SLC39A11: variants seen among roughly 807,000 people sequenced by gnomAD.
The protein encoded by SLC39A11 is solute carrier family 39 member 11.
Under a neutral mutation model 36.1 loss-of-function variants are expected in SLC39A11, and 33 were observed. The ratio of observed to expected loss-of-function variants is 0.91; its 90% confidence interval spans 0.69 to 1.22. The LOEUF (loss-of-function observed/expected upper bound fraction) is 1.22, where lower values mean the gene tolerates loss of function less well. Among genes scored for constraint, SLC39A11 ranks in the 50% most tolerant of loss-of-function variants. SLC39A11 has a pLI of 0.00. For synonymous variants in SLC39A11, 166 were observed against 170.3 expected (o/e 0.97, Z 0.20); for missense variants, 432 against 430.3 (o/e 1.00, Z -0.03).
intron 5 of SLC39A11, among the ~76,000 whole-genome samples, chr17:72,860,418 T>A (rs1399200511): frequency 6.6e-6 from 1 of 152,200 alleles, no homozygotes; most frequent in Non-Finnish European, 1.5e-5. Context: ...AATATACACA[T>A]GTATGTGCCC....
chr17:73,036,845 C>T (rs1017212559), intron 3 of SLC39A11, among the ~76,000 whole-genome samples: 1 of 152,166 alleles, frequency 6.6e-6, no homozygotes, highest in East Asian at 1.9e-4. Context: ...GTATCATATA[C>T]TTTCACTGCC....
At chr17:72,802,917 A>C (rs1383273910) in intron 6 of SLC39A11, among the ~76,000 whole-genome samples, 1 of 152,190 alleles carries the variant, frequency 6.6e-6, no homozygotes, top group Non-Finnish European at 1.5e-5. Flanking sequence ...TTCAGGCTGG[A>C]AACGTCCATG....
intron 6 of SLC39A11, among the ~76,000 whole-genome samples, chr17:72,762,030 C>T (rs1195668042): frequency 5.9e-5 from 9 of 152,120 alleles, no homozygotes; most frequent in Non-Finnish European, 1.2e-4. Flanking sequence ...AATGAGTTGG[C>T]GAAGCCTGAC....
intron 5 of SLC39A11, among the ~76,000 whole-genome samples, chr17:72,897,427 T>C (rs1207725671): frequency 6.6e-6 from 1 of 152,236 alleles, no homozygotes; most frequent in African/African-American, 2.4e-5. Flanking sequence ...CTGTACTGGA[T>C]GGTACAAACA....
intron 7 of SLC39A11, among the ~76,000 whole-genome samples, chr17:72,734,801 C>T (rs868191197): frequency 1.8e-4 from 27 of 152,266 alleles, no homozygotes; most frequent in African/African-American, 6.5e-4. Context: ...ACCTCTGCAG[C>T]GTGTGCGGTT....
chr17:73,036,313 C>G (rs1030150639), intron 3 of SLC39A11, among the ~76,000 whole-genome samples: 1 of 152,160 alleles, frequency 6.6e-6, no homozygotes, highest in African/African-American at 2.4e-5. Context: ...ATAGGCCTAC[C>G]TGTCCCCACA....
At chr17:72,907,405 A>C (rs2082711419) in intron 5 of SLC39A11, among the ~76,000 whole-genome samples, 1 of 152,086 alleles carries the variant, frequency 6.6e-6, no homozygotes, top group African/African-American at 2.4e-5. Flanking sequence ...CACAAGAATC[A>C]CTTGAACCCA....
intron 3 of SLC39A11, among the ~76,000 whole-genome samples, chr17:73,064,814 G>A (rs57861487): frequency 0.062 from 9,371 of 152,160 alleles, 425 homozygotes; most frequent in East Asian, 0.22. Context: ...AAAGCAGAGA[G>A]CAAGGATTCT....
At chr17:72,680,121 T>A (rs182621194) in intron 7 of SLC39A11, among the ~76,000 whole-genome samples, 5 of 151,696 alleles carry the variant, frequency 3.3e-5, no homozygotes, top group Admixed American at 3.3e-4. Context: ...TAACCATTTA[T>A]GAGGTGTACA....
intron 5 of SLC39A11, among the ~76,000 whole-genome samples, chr17:72,853,074 G>A (rs1567826048): frequency 6.6e-6 from 1 of 152,154 alleles, no homozygotes; most frequent in Non-Finnish European, 1.5e-5. Context: ...GAGTGCAGTG[G>A]CACAATCTCA....
intron 4 of SLC39A11, among the ~76,000 whole-genome samples, chr17:73,014,723 G>A (rs1340400216): frequency 6.6e-6 from 1 of 152,162 alleles, no homozygotes; most frequent in Non-Finnish European, 1.5e-5. Flanking sequence ...AGTCCCAGAG[G>A]GCCAGCTTTT....
chr17:72,990,279 G>A (rs1272202175), intron 4 of SLC39A11, among the ~76,000 whole-genome samples: 2 of 152,032 alleles, frequency 1.3e-5, no homozygotes, highest in African/African-American at 4.8e-5. Context: ...CTTGATCCTA[G>A]TCACTACAAA....
At chr17:72,740,566 T>G (rs1202495845) in intron 6 of SLC39A11, among the ~76,000 whole-genome samples, 1 of 152,172 alleles carries the variant, frequency 6.6e-6, no homozygotes, top group Non-Finnish European at 1.5e-5. Flanking sequence ...TCATGACTTT[T>G]TTCTGCTTCT....
intron 7 of SLC39A11, among the ~76,000 whole-genome samples, chr17:72,713,957 G>T (rs1316410834): frequency 6.6e-6 from 1 of 152,188 alleles, no homozygotes; most frequent in Non-Finnish European, 1.5e-5. Flanking sequence ...AGCTCACCCA[G>T]CTGGTAAATA....
intron 7 of SLC39A11, among the ~76,000 whole-genome samples, chr17:72,699,932 C>A (rs562201338): frequency 6.6e-6 from 1 of 152,190 alleles, no homozygotes; most frequent in South Asian, 2.1e-4. Context: ...TGGTAGAGAC[C>A]CACACCAAAA....
intron 4 of SLC39A11, among the ~76,000 whole-genome samples, chr17:72,984,931 T>C (rs1282924653): frequency 6.6e-6 from 1 of 152,262 alleles, no homozygotes; most frequent in Non-Finnish European, 1.5e-5. Flanking sequence ...CTCTAGAGAA[T>C]TGCACACAGC....
At chr17:73,020,791 TCCTGCC>T (rs1297437468) in intron 4 of SLC39A11, among the ~76,000 whole-genome samples, 2 of 146,980 alleles carry the variant, frequency 1.4e-5, no homozygotes, top group Non-Finnish European at 3.0e-5. Context: ...CAAGCAATTC[TCCTGCC>T]CCAGCCTCCC....
chr17:72,772,072 A>G (rs1392189912), intron 6 of SLC39A11, among the ~76,000 whole-genome samples: 1 of 152,152 alleles, frequency 6.6e-6, no homozygotes, highest in Non-Finnish European at 1.5e-5. Flanking sequence ...TAACCTGGTG[A>G]TATCCCTGGG....
At chr17:72,844,673 CA>C (rs1179558345) in intron 6 of SLC39A11, among the ~76,000 whole-genome samples, 1 of 151,690 alleles carries the variant, frequency 6.6e-6, no homozygotes, top group Admixed American at 6.6e-5. Context: ...GTCTCAAAAA[CA>C]AAAAACAAAA....
Sources: allele counts gnomAD v4.1 joint callset (sites outside exome capture counted in the v4.1 genomes callset), GRCh38; gene constraint gnomAD v4.1.1; transcripts MANE v1.5; gene names NCBI Gene and HGNC (gene_info 2026-07-23, HGNC 2026-07-21).